Variants in PTPRM observed in about 807,000 individuals in gnomAD.
The protein encoded by PTPRM is protein tyrosine phosphatase receptor type M.
PTPRM carries 47 observed loss-of-function variants against 186.7 expected under a neutral mutation model. The ratio of observed to expected loss-of-function variants is 0.25; its 90% CI spans 0.20 to 0.32. PTPRM has a LOEUF of 0.32. Ranked by LOEUF, PTPRM falls within the 10% of genes least tolerant of loss-of-function variation. The probability of loss-of-function intolerance (pLI) is 1.00; values close to 1 mark genes in which losing one functional copy is unlikely to be tolerated. For synonymous variants in PTPRM, 668 were observed against 674.9 expected (o/e 0.99, Z 0.16); for missense variants, 1,494 against 1,865.0 (o/e 0.80, Z 3.66).
intron 7 of PTPRM, among the ~76,000 whole-genome samples, chr18:8,044,802 A>G (rs1264403354): frequency 6.6e-6 from 1 of 151,730 alleles, no homozygotes; most frequent in Non-Finnish European, 1.5e-5. Context: ...AACAAAAACC[A>G]TGAGATACAA....
intron 2 of PTPRM, among the ~76,000 whole-genome samples, chr18:7,800,182 C>G (rs143456220): frequency 5.6e-4 from 86 of 152,242 alleles, no homozygotes; most frequent in African/African-American, 2.0e-3. Context: ...ATAGCACTTA[C>G]GTTAAATAGC....
intron 2 of PTPRM, among the ~76,000 whole-genome samples, chr18:7,782,520 C>G (rs1015498877): frequency 2.6e-5 from 4 of 152,166 alleles, no homozygotes; most frequent in African/African-American, 9.7e-5. Flanking sequence ...GTACAACCAT[C>G]ACCATTGTCC....
Position 8,370,994 on chromosome 18 carries a change from T to C in PTPRM, c.3159T>C (p.Phe1053=). The change falls in exon 24 of 33, where the codon TTT becomes TTC. Residue 1053 remains phenylalanine, a synonymous_variant. Transcript: ENST00000580170. The part of the protein sequence containing the change: ...ELLAEYVIRT[F]AVEKRGVHEI... ...TGGCAGAATATGTGATAAGAACATT[T>C]GCTGTTGAAAAGGTAAGTTTTCATA... The C allele has an allele frequency of 6.3e-7, 1 of 1,590,208 alleles. No homozygotes were observed. The highest frequency in any genetic ancestry group is 1.7e-4 in the Middle Eastern group (1 of 5,988).
chr18:7,600,140 G>C (rs530176556), intron 1 of PTPRM, among the ~76,000 whole-genome samples: 2 of 152,316 alleles, frequency 1.3e-5, no homozygotes, highest in African/African-American at 4.8e-5. Context: ...TGGTCTAGCT[G>C]TTTGCTGAAG....
intron 14 of PTPRM, among the ~76,000 whole-genome samples, chr18:8,208,380 G>A (rs1277752519): frequency 2.6e-5 from 4 of 152,156 alleles, no homozygotes; most frequent in African/African-American, 7.2e-5. Context: ...TCCTCTTGTG[G>A]GGCTTGCTTT....
intron 9 of PTPRM, among the ~76,000 whole-genome samples, chr18:8,085,063 G>A (rs1031208533): frequency 4.6e-5 from 7 of 152,084 alleles, no homozygotes; most frequent in African/African-American, 1.7e-4. Flanking sequence ...GATGTGGCTA[G>A]TGGCTACATT....
intron 5 of PTPRM, among the ~76,000 whole-genome samples, chr18:7,937,573 C>G (rs1367305748): frequency 1.3e-5 from 2 of 152,232 alleles, no homozygotes; most frequent in African/African-American, 4.8e-5. Context: ...AGTGGGCCCG[C>G]TGGGCCCGAG....
chr18:8,314,987 T>C (rs2095298022), intron 21 of PTPRM, 130 bp downstream of exon 21: 1 of 559,984 alleles, frequency 1.8e-6, no homozygotes, highest in South Asian at 2.3e-5. Context: ...AACCCAACCA[T>C]TCTGACATGT....
rs1318396088 is a variant in PTPRM, at chr18:8,019,647, C to G, written c.1133-50039C>G. On this transcript the variant is annotated intron_variant, in intron 7 of 32. Coordinates refer to ENST00000580170, the MANE Select transcript of PTPRM (RefSeq NM_001105244.2). ...ATTATATCCACCTCTTATTTCTTAT[C>G]CTTTGTTTACTATCTGGAATTAAAC... 2.0e-5 allele frequency among the ~76,000 whole-genome samples: 3 copies of G among 150,852 alleles called. No homozygotes were observed. The East Asian group carries it at 5.8e-4, about 29-fold the overall frequency.
intron 2 of PTPRM, among the ~76,000 whole-genome samples, chr18:7,780,716 A>G (rs2042815355): frequency 6.6e-6 from 1 of 152,188 alleles, no homozygotes; most frequent in African/African-American, 2.4e-5. Flanking sequence ...AGGTAAGGGT[A>G]GAAAATAGAC....
At chr18:7,884,953 G>GAAAAAAAAAAAAAAAAAAA (rs2048708561) in intron 2 of PTPRM, among the ~76,000 whole-genome samples, 7 of 110,510 alleles carry the variant, frequency 6.3e-5, no homozygotes, top group Admixed American at 1.7e-4. Flanking sequence ...AAAAAAAAAG[G>GAAAAAAAAAAAAAAAAAAA]AGAGAGAGAA....
intron 14 of PTPRM, among the ~76,000 whole-genome samples, chr18:8,211,445 AGT>A (rs201426887): frequency 0.12 from 14,986 of 127,014 alleles, 981 homozygotes; most frequent in Non-Finnish European, 0.16. Context: ...CCCAGGCTGG[AGT>A]GTGTGGAGTG....
At chr18:7,844,719 T>A (rs1599020969) in intron 2 of PTPRM, among the ~76,000 whole-genome samples, 1 of 152,198 alleles carries the variant, frequency 6.6e-6, no homozygotes, top group Admixed American at 6.5e-5. Context: ...GCCAGTTTCA[T>A]TGGGTAGCTT....
In PTPRM at chr18:8,111,846, G is replaced by A. The variant is rs1010539669; in HGVS notation, c.1857-1640G>A. 6.6e-5 allele frequency among the ~76,000 whole-genome samples: 10 copies of A among 152,282 alleles called. 1 individual carries two copies. The South Asian group carries it at 2.1e-3, about 32-fold the overall frequency. Reference sequence around the variant, plus strand: ...AGCTTTTAGCAGAATTAGAATTAGAGCTCAGACCAGTGCATTGTCTTTACC... The same window carrying A: ...AGCTTTTAGCAGAATTAGAATTAGAACTCAGACCAGTGCATTGTCTTTACC... On this transcript the variant is annotated intron_variant, in intron 11 of 32. Transcript: ENST00000580170.
intron 7 of PTPRM, among the ~76,000 whole-genome samples, chr18:7,959,995 T>C (rs2053558398): frequency 6.6e-6 from 1 of 152,222 alleles, no homozygotes; most frequent in African/African-American, 2.4e-5. Context: ...TCTCAAATTA[T>C]GTGCAGCCTG....
chr18:7,723,026 T>C (rs1487202522), intron 1 of PTPRM, among the ~76,000 whole-genome samples: 1 of 152,188 alleles, frequency 6.6e-6, no homozygotes. Flanking sequence ...AGCCAGCAAC[T>C]CCAGGAAGTC....
rs143136734 is a variant in PTPRM at position 8,174,650 on chromosome 18, A to G, written c.2300+30871A>G. ...GTGCAATTTGCTGTCTCTTATTAAA[A>G]TAAAAATATGCCTTGCTACCTGAGT... On this transcript the variant is annotated intron_variant, in intron 14 of 32. Transcript: ENST00000580170. Among the ~76,000 whole-genome samples, 953 of 152,364 alleles carry G rather than the reference A, an allele frequency of 6.3e-3. 9 individuals carry two copies. Among genetic ancestry groups the G allele is most frequent in the African/African-American group, 0.022 (909 of 41,588 alleles).
intron 2 of PTPRM, among the ~76,000 whole-genome samples, chr18:7,830,882 T>C (rs2045727344): frequency 6.6e-6 from 1 of 152,188 alleles, no homozygotes; most frequent in Non-Finnish European, 1.5e-5. Context: ...CGTAGTTTGA[T>C]TTTTCTGTAG....
At chr18:8,177,720 T>G (rs758083951) in intron 14 of PTPRM, among the ~76,000 whole-genome samples, 10 of 152,174 alleles carry the variant, frequency 6.6e-5, no homozygotes, top group Non-Finnish European at 1.2e-4. Flanking sequence ...TTGAAAAGCT[T>G]TGGAGCAGGG....
Sources: gnomAD v4.1 joint callset for allele counts (sites outside exome capture counted in the v4.1 genomes callset) on GRCh38, gnomAD v4.1.1 for gene constraint, MANE v1.5 for transcripts, NCBI Gene and HGNC (gene_info 2026-07-23, HGNC 2026-07-21) for gene names.